Variants in CCR9 observed in about 807,000 individuals in gnomAD.
CCR9 encodes C-C chemokine receptor type 9.
A neutral mutation model predicts 8.7 loss-of-function variants in CCR9; 4 were observed. The observed-to-expected ratio is 0.46, with a 90% confidence interval of 0.23 to 1.06. The LOEUF (loss-of-function observed/expected upper bound fraction) is 1.06. Ranked by LOEUF, CCR9 falls within the 50% of genes least tolerant of loss-of-function variation. The probability of loss-of-function intolerance (pLI) is 0.21; values close to 1 mark genes in which losing one functional copy is unlikely to be tolerated. For missense variants in CCR9, 394 were observed against 453.6 expected, an observed-to-expected ratio of 0.87 and a Z score of 1.19; for synonymous variants, 159 against 168.8, an observed-to-expected ratio of 0.94 and a Z score of 0.45.
rs1702600793 is a variant in CCR9 at position 45,902,810 on chromosome 3, GC to G, written c.*915del. 1 of 166,966 alleles carries G rather than the reference GC, an allele frequency of 6.0e-6. No homozygotes were observed. 10.3% of individuals were successfully genotyped at this position (166,966 alleles called of 1,614,324 possible). Reference sequence around the variant, plus strand: ...TTCTTTTGGCCCTCTTCTTTCTGAGGCCCACTTTATTCTGAGGAATACAGTG... The same window carrying G: ...TTCTTTTGGCCCTCTTCTTTCTGAGGCCACTTTATTCTGAGGAATACAGTG... On this transcript the variant is annotated 3_prime_UTR_variant, in exon 3 of 3. Transcript: ENST00000357632.
chr3:45,897,733 G>A (rs1702403696), intron 2 of CCR9: 1 of 722,684 alleles, frequency 1.4e-6, no homozygotes, highest in East Asian at 3.0e-5. Context: ...CTTCTGCCAA[G>A]CATGCCCTCT....
intron 2 of CCR9, among the ~76,000 whole-genome samples, chr3:45,897,011 C>A (rs1702377318): frequency 1.3e-5 from 2 of 152,206 alleles, no homozygotes; most frequent in Non-Finnish European, 2.9e-5. Flanking sequence ...AACTGGGACG[C>A]CTGGGCTGCT....
intron 2 of CCR9, among the ~76,000 whole-genome samples, chr3:45,899,767 A>G (rs1479174541): frequency 6.6e-6 from 1 of 152,148 alleles, no homozygotes; most frequent in Non-Finnish European, 1.5e-5. Flanking sequence ...CTCCTCCTCC[A>G]TCAGCAGTCC....
At chr3:45,888,836 T>G (rs534930813) in intron 1 of CCR9, among the ~76,000 whole-genome samples, 1 of 152,156 alleles carries the variant, frequency 6.6e-6, no homozygotes, top group Non-Finnish European at 1.5e-5. Flanking sequence ...TCTGTGGAGG[T>G]TCTAGATGTG....
chr3:45,900,798 G>A lies in CCR9; in HGVS notation c.22-12G>A. On this transcript the variant is annotated splice_polypyrimidine_tract_variant and intron_variant, in intron 2 of 2. Transcript: ENST00000357632. This position sits in a 1 kb window ranked among gnomAD's most constrained non-coding sequence, Gnocchi z 4.7. Reference sequence around the variant, plus strand: ...TTTCCTTGACCTAATGCCATCTTGTGTCCCCTTGCAGAGCCCTATTCCTAA... The same window carrying A: ...TTTCCTTGACCTAATGCCATCTTGTATCCCCTTGCAGAGCCCTATTCCTAA... The A allele has an allele frequency of 6.3e-7, 1 of 1,599,730 alleles. No homozygotes were observed. The highest frequency in any genetic ancestry group is 8.5e-7 in the Non-Finnish European group (1 of 1,170,932).
At chr3:45,897,699 C>T in intron 2 of CCR9, 1 of 1,164,500 alleles carries the variant, frequency 8.6e-7, no homozygotes, top group South Asian at 1.5e-5. Flanking sequence ...TCCCCAGGAA[C>T]CAAAGTCGTC....
chr3:45,886,483 A>G (rs1247766048), upstream of CCR9: 5 of 152,192 alleles, frequency 3.3e-5, no homozygotes, highest in Non-Finnish European at 7.3e-5. Context: ...CACCAGTGAC[A>G]ACACAGGCAG....
At chr3:45,890,687 C>T (rs746224023) in intron 1 of CCR9, among the ~76,000 whole-genome samples, 11 of 152,016 alleles carry the variant, frequency 7.2e-5, no homozygotes, top group Admixed American at 1.3e-4. Context: ...CTTGGTTCTT[C>T]GGCTTAGGAG....
In CCR9 at chr3:45,901,439, G is replaced by A. The variant is rs1559427254; in HGVS notation, c.651G>A (p.Leu217=). 5.6e-6 allele frequency: 9 copies of A among 1,614,188 alleles called. No homozygotes were observed. Among genetic ancestry groups the A allele is most frequent in the Non-Finnish European group, 7.6e-6 (9 of 1,180,022 alleles). ...STKLKSAVLT[L]KVILGFFLPF... Reference sequence around the variant, plus strand: ...AACTGAAGTCAGCTGTCTTGACCCTGAAGGTCATTCTGGGGTTCTTCCTTC... The same window carrying A: ...AACTGAAGTCAGCTGTCTTGACCCTAAAGGTCATTCTGGGGTTCTTCCTTC... The change falls in exon 3 of 3, where the codon CTG becomes CTA. Residue 217 remains leucine (L), a synonymous_variant. Coordinates refer to ENST00000357632, the MANE Select transcript of CCR9 (RefSeq NM_031200.3). This position sits in a 1 kb window ranked among gnomAD's most constrained non-coding sequence, Gnocchi z 4.3.
At chr3:45,887,242 CGTGTGTGTCTGT>C (rs1031163575) in intron 1 of CCR9, among the ~76,000 whole-genome samples, 3 of 125,450 alleles carry the variant, frequency 2.4e-5, no homozygotes, top group African/African-American at 9.5e-5. Flanking sequence ...CTATTAAGTG[CGTGTGTGTCTGT>C]GTGTGTGTGT....
chr3:45,895,713 T>TAA (rs35514118), intron 2 of CCR9, among the ~76,000 whole-genome samples: 2 of 139,808 alleles, frequency 1.4e-5, no homozygotes, highest in Non-Finnish European at 1.6e-5. Context: ...GACTCTGTCT[T>TAA]AAAAAAAAAA....
At chr3:45,893,136 C>T (rs1575297136) in intron 1 of CCR9, among the ~76,000 whole-genome samples, 2 of 151,852 alleles carry the variant, frequency 1.3e-5, no homozygotes, top group South Asian at 4.2e-4. Flanking sequence ...TCCCACACTC[C>T]CCTTCCCTCT....
intron 1 of CCR9, among the ~76,000 whole-genome samples, chr3:45,888,651 A>G (rs1216390611): frequency 6.6e-6 from 1 of 152,182 alleles, no homozygotes; most frequent in Admixed American, 6.5e-5. Flanking sequence ...GACCGCTGAG[A>G]TGGTCCTCAC....
chr3:45,895,067 G>GCA, intron 2 of CCR9, 113 bp downstream of exon 2: 1 of 1,169,646 alleles, frequency 8.5e-7, no homozygotes, highest in Non-Finnish European at 1.3e-6. Flanking sequence ...GGTTTCCCAG[G>GCA]GTAAGATCTC....
At chr3:45,887,981 A>T (rs2125736677) in intron 1 of CCR9, among the ~76,000 whole-genome samples, 1 of 152,360 alleles carries the variant, frequency 6.6e-6, no homozygotes, top group Admixed American at 6.5e-5. Context: ...ATCTGATTTG[A>T]TGTTAGTGCT....
At chr3:45,888,659 C>T (rs1272285791) in intron 1 of CCR9, among the ~76,000 whole-genome samples, 1 of 152,218 alleles carries the variant, frequency 6.6e-6, no homozygotes, top group Non-Finnish European at 1.5e-5. Context: ...AGATGGTCCT[C>T]ACTCTCAGTA....
chr3:45,899,623 G>A (rs1177414632), intron 2 of CCR9, among the ~76,000 whole-genome samples: 1 of 152,184 alleles, frequency 6.6e-6, no homozygotes, highest in South Asian at 2.1e-4. Context: ...GGGAGTGAGA[G>A]CTGGTAGTCC....
At position 45,890,350 on chromosome 3, in the gene CCR9, C is replaced by CATATATATATATAAATATATATATAACAT. The variant is rs1559421663; in HGVS notation, c.-29+3708_-29+3709insAATATATATATAACATATATATATATATA. ...ATATATATATAACATATATATATAA[C>CATATATATATATAAATATATATATAACAT]ATATATATATATATAACATATATAA... is the stretch of plus-strand genomic sequence containing the variant. On this transcript the variant is annotated intron_variant, in intron 1 of 2. Transcript: ENST00000357632. Among the ~76,000 whole-genome samples, 20 of 23,070 alleles carry CATATATATATATAAATATATATATAACAT rather than the reference C, an allele frequency of 8.7e-4. 7 individuals are homozygous for CATATATATATATAAATATATATATAACAT. The highest frequency in any genetic ancestry group is 3.5e-3 in the African/African-American group (20 of 5,732). 15.1% of individuals were successfully genotyped at this position (23,070 alleles called of 152,430 possible). A position where few individuals can be genotyped will look rare whatever the true frequency, so the allele number is the denominator to read the frequency against.
At chr3:45,892,734 C>A (rs1011427417) in intron 1 of CCR9, among the ~76,000 whole-genome samples, 1 of 152,060 alleles carries the variant, frequency 6.6e-6, no homozygotes, top group African/African-American at 2.4e-5. Context: ...AAAAAACCCA[C>A]AAAAACAAAC....
Sources: gnomAD v4.1 joint callset for allele counts (sites outside exome capture counted in the v4.1 genomes callset) on GRCh38, gnomAD v4.1.1 for gene constraint, Gnocchi (gnomAD v3.1) non-coding constraint, MANE v1.5 for transcripts, NCBI Gene and HGNC (gene_info 2026-07-23, HGNC 2026-07-21) for gene names.